PPARGC1A: variants seen among roughly 807,000 people sequenced by gnomAD.
PPARGC1A encodes the protein PPARG coactivator 1 alpha.
In PPARGC1A, 25 loss-of-function variants were observed where a neutral mutation model predicts 88.7. The observed-to-expected ratio is 0.28, with a 90% confidence interval of 0.21 to 0.39. The LOEUF (loss-of-function observed/expected upper bound fraction) is 0.39, where lower values mean the gene tolerates loss of function less well. Ranked by LOEUF, PPARGC1A falls within the 10% of genes least tolerant of loss-of-function variation. The pLI is 1.00. For missense variants in PPARGC1A, 880 were observed against 968.7 expected (o/e 0.91, Z 1.22); for synonymous variants, 363 against 355.6 (o/e 1.02, Z -0.24).
chr4:23,801,319 A>C (rs1189773860), intron 12 of PPARGC1A, among the ~76,000 whole-genome samples: 1 of 152,030 alleles, frequency 6.6e-6, no homozygotes, highest in African/African-American at 2.4e-5. Context: ...ACAAAGCACA[A>C]TACTACACAC....
At chr4:24,076,918 TA>T in the PPARGC1A span, among the ~76,000 whole-genome samples, 1 of 152,128 alleles carries the variant, frequency 6.6e-6, no homozygotes, top group South Asian at 2.1e-4. Flanking sequence ...ACCGCTGAAC[TA>T]TGGAGTGTGT....
At chr4:24,436,706 C>T in the PPARGC1A span, among the ~76,000 whole-genome samples, 1 of 143,376 alleles carries the variant, frequency 7.0e-6, no homozygotes, top group Non-Finnish European at 1.5e-5. Context: ...GAGCCCGGGT[C>T]ACAGAGCTGA....
intron 2 of PPARGC1A, among the ~76,000 whole-genome samples, chr4:23,841,949 T>C (rs1727121440): frequency 6.6e-6 from 1 of 152,132 alleles, no homozygotes. Context: ...CCTATTATTA[T>C]GTCCAAACTC....
At chr4:24,012,096 G>A in the PPARGC1A span, among the ~76,000 whole-genome samples, 1 of 152,082 alleles carries the variant, frequency 6.6e-6, no homozygotes, top group South Asian at 2.1e-4. Flanking sequence ...TATTCACTTA[G>A]AAACTAGTGA....
chr4:24,248,769 C>T, the PPARGC1A span, among the ~76,000 whole-genome samples: 1 of 152,124 alleles, frequency 6.6e-6, no homozygotes, highest in African/African-American at 2.4e-5. Flanking sequence ...AGCAGGGGAA[C>T]GTCTAATTCT....
chr4:24,035,663 G>T, the PPARGC1A span, among the ~76,000 whole-genome samples: 1 of 152,136 alleles, frequency 6.6e-6, no homozygotes, highest in African/African-American at 2.4e-5. Flanking sequence ...CCCAAATTAT[G>T]AGTAGCATGA....
chr4:24,309,798 G>A, the PPARGC1A span, among the ~76,000 whole-genome samples: 1 of 152,198 alleles, frequency 6.6e-6, no homozygotes, highest in Admixed American at 6.5e-5. Flanking sequence ...GTGATGAATA[G>A]TTTGAAGGCG....
chr4:24,052,120 T>C, the PPARGC1A span, among the ~76,000 whole-genome samples: 3 of 152,154 alleles, frequency 2.0e-5, no homozygotes, highest in Non-Finnish European at 4.4e-5. Flanking sequence ...GATTCTGAGG[T>C]TCTGAGGCTG....
the PPARGC1A span, among the ~76,000 whole-genome samples, chr4:24,180,955 C>A: frequency 6.6e-6 from 1 of 152,316 alleles, no homozygotes; most frequent in South Asian, 2.1e-4. Flanking sequence ...AGACTCAAAA[C>A]ATGATCCCTC....
the PPARGC1A span, among the ~76,000 whole-genome samples, chr4:24,449,657 C>A: frequency 1.8e-4 from 28 of 152,290 alleles, 1 homozygote; most frequent in South Asian, 5.6e-3. Context: ...GCACAAAAGA[C>A]TTTTGTCCTC....
chr4:24,176,181 C>T, the PPARGC1A span, among the ~76,000 whole-genome samples: 1 of 152,172 alleles, frequency 6.6e-6, no homozygotes, highest in Non-Finnish European at 1.5e-5. Context: ...ACTTGTGTTG[C>T]ATAAAGATCT....
chr4:24,337,690 A>G, the PPARGC1A span, among the ~76,000 whole-genome samples: 1 of 116,688 alleles, frequency 8.6e-6, no homozygotes. Context: ...CTCTTTTACA[A>G]ATGAAAAAAA....
At chr4:24,437,585 C>T in the PPARGC1A span, among the ~76,000 whole-genome samples, 3 of 146,840 alleles carry the variant, frequency 2.0e-5, no homozygotes, top group Non-Finnish European at 4.5e-5. Context: ...AAGGGAAAGG[C>T]ACAGGTTTTT....
At chr4:24,349,671 G>C in the PPARGC1A span, among the ~76,000 whole-genome samples, 1 of 152,180 alleles carries the variant, frequency 6.6e-6, no homozygotes, top group East Asian at 1.9e-4. Flanking sequence ...ACAGCCCCAA[G>C]TCTGTTTCCA....
chr4:24,420,661 G>C, the PPARGC1A span, among the ~76,000 whole-genome samples: 2 of 152,078 alleles, frequency 1.3e-5, no homozygotes, highest in Non-Finnish European at 1.5e-5. Flanking sequence ...TTTTAAGCAG[G>C]CCAAGTTGAT....
chr4:23,870,551 A>G (rs1713085201), intron 2 of PPARGC1A, among the ~76,000 whole-genome samples: 1 of 152,202 alleles, frequency 6.6e-6, no homozygotes, highest in Non-Finnish European at 1.5e-5. Context: ...CAAATGTCAT[A>G]TGTGCTCATA....
chr4:23,944,844 C>A, the PPARGC1A span, among the ~76,000 whole-genome samples: 1 of 152,128 alleles, frequency 6.6e-6, no homozygotes, highest in Non-Finnish European at 1.5e-5. Flanking sequence ...CTGAGGTTTC[C>A]CCAGTCATGC....
chr4:23,806,450 G>A (rs1719822706), intron 10 of PPARGC1A, among the ~76,000 whole-genome samples: 1 of 152,162 alleles, frequency 6.6e-6, no homozygotes, highest in Non-Finnish European at 1.5e-5. Flanking sequence ...GAGATGAAAG[G>A]AAAAGAAATC....
the PPARGC1A span, among the ~76,000 whole-genome samples, chr4:24,291,757 AAATT>A: frequency 6.6e-6 from 1 of 152,218 alleles, no homozygotes. Context: ...AATGAAGACT[AAATT>A]AATTGAGTAA....
Sources: gnomAD v4.1 joint callset for allele counts (sites outside exome capture counted in the v4.1 genomes callset) on GRCh38, gnomAD v4.1.1 for gene constraint, MANE v1.5 for transcripts, NCBI Gene and HGNC (gene_info 2026-07-23, HGNC 2026-07-21) for gene names.